Variants in AKT1S1 observed in about 807,000 individuals in gnomAD.
The protein encoded by AKT1S1 is proline-rich AKT1 substrate 1.
In AKT1S1, 17 loss-of-function variants were observed where a neutral mutation model predicts 21.2. The observed-to-expected ratio is 0.80, with a 90% confidence interval of 0.55 to 1.20. AKT1S1 has a LOEUF of 1.20. AKT1S1 is among the 50% of genes most tolerant of loss of function. AKT1S1 has a pLI of 0.00. For missense variants in AKT1S1, 366 were observed against 368.3 expected (o/e 0.99, Z 0.05); for synonymous variants, 181 against 165.6 (o/e 1.09, Z -0.72).
At chr19:49,872,862 T>G in intron 2 of AKT1S1, 55 bp downstream of exon 2, 9 of 1,549,016 alleles carry the variant, frequency 5.8e-6, no homozygotes, top group Middle Eastern at 2.0e-4. Context: ...CGACAAAGCC[T>G]CCTGCGGGCA....
chr19:49,877,776 G>C (rs368492657), upstream of AKT1S1: 18 of 1,576,796 alleles, frequency 1.1e-5, no homozygotes, highest in Admixed American at 1.9e-5. Flanking sequence ...CCTCGCTTCA[G>C]TGTATGCGAA....
intron 2 of AKT1S1, among the ~76,000 whole-genome samples, chr19:49,872,486 G>C (rs1427369501): frequency 6.6e-6 from 1 of 152,048 alleles, no homozygotes; most frequent in Non-Finnish European, 1.5e-5. Flanking sequence ...ACAGCTGGCT[G>C]CTCCCTCCCT....
At chr19:49,872,851 C>A (rs1057373217) in intron 2 of AKT1S1, 66 bp downstream of exon 2, 2 of 1,521,878 alleles carry the variant, frequency 1.3e-6, no homozygotes, top group Non-Finnish European at 1.8e-6. Context: ...GGCCCCCACC[C>A]CGACAAAGCC....
chr19:49,877,686 AAGG>A (rs1233840969), upstream of AKT1S1: 3 of 1,595,480 alleles, frequency 1.9e-6, no homozygotes, highest in African/African-American at 4.0e-5. Context: ...TGACTAGGAA[AAGG>A]AGGAGGCGGG....
intron 2 of AKT1S1, 99 bp downstream of exon 2, chr19:49,872,818 G>A: frequency 7.2e-7 from 1 of 1,381,792 alleles, no homozygotes; most frequent in Non-Finnish European, 9.7e-7. Flanking sequence ...CTGCACTTCT[G>A]TAGAAGTACT....
rs1016252532 is a variant in AKT1S1, at chr19:49,869,865, G to A, written c.*52C>T. 3.5e-6 allele frequency: 5 copies of A among 1,409,802 alleles called. No homozygotes were observed. In the Admixed American group the frequency reaches 1.1e-4, roughly 30 times the overall value. The allele number at this position is 1,409,802 out of a possible 1,614,324, so 87.3% of individuals were successfully genotyped here. On this transcript the variant is annotated 3_prime_UTR_variant, in exon 5 of 5. Coordinates refer to ENST00000344175, the MANE Select transcript of AKT1S1 (RefSeq NM_001098633.4). ...TAGCAGGCCCCGGGAGTGGGGCGGG[G>A]GCGTAGTGTGGGACGGGGCGGACGC...
chr19:49,878,137 A>G, upstream of AKT1S1: 5 of 1,571,998 alleles, frequency 3.2e-6, no homozygotes, highest in South Asian at 1.2e-5. Context: ...GTTCCCCCCA[A>G]CTCAGGTGGT....
intron 1 of AKT1S1, chr19:49,876,375 C>T (rs1422609207): frequency 1.7e-6 from 2 of 1,167,068 alleles, no homozygotes; most frequent in African/African-American, 1.6e-5. Context: ...ATCCCAGGCG[C>T]TCTGGAACCG....
intron 1 of AKT1S1, chr19:49,875,807 A>C (rs992241936): frequency 1.0e-6 from 1 of 982,696 alleles, no homozygotes; most frequent in Non-Finnish European, 1.2e-6. Context: ...CCTCTTTGCC[A>C]AGGTCCAGGG....
Position 49,873,707 on chromosome 19 carries a change from A to C in AKT1S1, c.-7-405T>G. The C allele has an allele frequency of 6.1e-6, 1 of 162,874 alleles. No individual in the cohort carries two copies. The highest frequency in any genetic ancestry group is 1.7e-4 in the East Asian group (1 of 5,836). 10.1% of individuals were successfully genotyped at this position (162,874 alleles called of 1,614,324 possible). ...TGAAGACTGAGTACAATAAAGCCGA[A>C]CGAGCCGGGCGTGGTGGCTCAGGCC... On this transcript the variant is annotated intron_variant, in intron 1 of 4. Transcript: ENST00000344175. The surrounding 1 kb of genome is among the most constrained non-coding windows in gnomAD (Gnocchi z 6.9).
Position 49,873,150 on chromosome 19 carries a change from TG to T in AKT1S1, c.145del (p.His49MetfsTer82), listed in dbSNP as rs1568668032. 6.5e-7 allele frequency: 1 copy of T among 1,538,680 alleles called. No homozygotes were observed. The highest frequency in any genetic ancestry group is 8.7e-7 in the Non-Finnish European group (1 of 1,147,994). Reference protein sequence around the residue: ...PRPGPCAYAAHGRGALAEAAR... With the variant: ...PRPGPCAYAAXGRGALAEAAR... ...TGCCTCCGCCAGGGCTCCTCGACCATGGGCAGCATAGGCACAGGGGCCCGGG... is the reference window on the plus strand; with the variant it reads ...TGCCTCCGCCAGGGCTCCTCGACCATGGCAGCATAGGCACAGGGGCCCGGG... On this transcript the variant is annotated frameshift_variant, in exon 2 of 5. Coordinates refer to ENST00000344175, the MANE Select transcript of AKT1S1 (RefSeq NM_001098633.4). LOFTEE classifies it high-confidence loss of function. The surrounding 1 kb of genome is among the most constrained non-coding windows in gnomAD (Gnocchi z 6.9).
In AKT1S1 at chr19:49,869,656, A is replaced by T. The variant is rs2074859463; in HGVS notation, c.*261T>A. On this transcript the variant is annotated 3_prime_UTR_variant, in exon 5 of 5. Transcript: ENST00000344175. ...TTTAGAGCTTAGAACTCAGCGAGCC[A>T]ATCCCTTAATAGAAGGAATCTGTCG... is the stretch of plus-strand genomic sequence containing the variant. 4.5e-5 allele frequency: 18 copies of T among 396,494 alleles called. No homozygotes were observed. The East Asian group carries it at 6.7e-4, about 15-fold the overall frequency. 24.6% of individuals were successfully genotyped at this position (396,494 alleles called of 1,614,324 possible).
Position 49,869,742 on chromosome 19 carries a change from G to T in AKT1S1, c.*175C>A. ...CGGGACAGATGCCGCTCCTCGGCGC[G>T]GCAGGTCGTGGGCTGGAAGGACGGC... On this transcript the variant is annotated 3_prime_UTR_variant, in exon 5 of 5. Coordinates refer to ENST00000344175, the MANE Select transcript of AKT1S1 (RefSeq NM_001098633.4). 1 of 685,226 alleles carries T rather than the reference G, an allele frequency of 1.5e-6. No individual in the cohort carries two copies. The highest frequency in any genetic ancestry group is 3.4e-5 in the East Asian group (1 of 29,414). The allele number at this position is 685,226 out of a possible 1,614,324, so 42.4% of individuals were successfully genotyped here. A position where few individuals can be genotyped will look rare whatever the true frequency, so the allele number is the denominator to read the frequency against.
chr19:49,875,952 T>G, intron 1 of AKT1S1: 5 of 985,300 alleles, frequency 5.1e-6, no homozygotes, highest in Non-Finnish European at 6.0e-6. Context: ...TAGACGAGTT[T>G]CGTGTAAGAT....
At position 49,873,572 on chromosome 19, in the gene AKT1S1, C is replaced by T. The variant is rs2074910102; in HGVS notation, c.-7-270G>A. On this transcript the variant is annotated intron_variant, in intron 1 of 4. Coordinates refer to ENST00000344175, the MANE Select transcript of AKT1S1 (RefSeq NM_001098633.4). This position sits in a 1 kb window ranked among gnomAD's most constrained non-coding sequence, Gnocchi z 6.9. Reference sequence around the variant, plus strand: ...CCTTCCCCTTTGGCCCTGCCCTGGCCTCTGTGGGAGCCGCCAGCCACATGT... The same window carrying T: ...CCTTCCCCTTTGGCCCTGCCCTGGCTTCTGTGGGAGCCGCCAGCCACATGT... 1.9e-6 allele frequency: 1 copy of T among 520,956 alleles called. No individual in the cohort carries two copies. Among genetic ancestry groups the T allele is most frequent in the Non-Finnish European group, 3.1e-6 (1 of 323,774 alleles). 32.3% of individuals were successfully genotyped at this position (520,956 alleles called of 1,614,324 possible).
intron 2 of AKT1S1, 132 bp from the exon 3 acceptor site, chr19:49,872,021 TCACC>T: frequency 9.9e-7 from 1 of 1,010,008 alleles, no homozygotes; most frequent in South Asian, 1.4e-5. Flanking sequence ...CCCATTTCCT[TCACC>T]TCAAAAACAA....
rs1481269687 is a variant in AKT1S1, at chr19:49,869,964, GC to G, written c.723del (p.Pro242ArgfsTer11). ...TGGAAGTCGCTGGTGTTAAGCCGCG[GC>G]CGTGGCAGGTCCCCGAAGACCTGGG... ...EDTQVFGDLP[R>X]PRLNTSDFQK... On this transcript the variant is annotated frameshift_variant, in exon 5 of 5. Transcript: ENST00000344175. LOFTEE classifies it high-confidence loss of function. The G allele has an allele frequency of 1.3e-6, 2 of 1,543,370 alleles. No individual in the cohort carries two copies. Among genetic ancestry groups the G allele is most frequent in the Non-Finnish European group, 1.8e-6 (2 of 1,141,214 alleles).
rs998247937 is a variant in AKT1S1 at position 49,873,161 on chromosome 19, G to C, written c.135C>G (p.Ala45=). The change falls in exon 2 of 5, where the codon GCC becomes GCG. Residue 45 remains alanine, a synonymous_variant. Coordinates refer to ENST00000344175, the MANE Select transcript of AKT1S1 (RefSeq NM_001098633.4). The surrounding 1 kb of genome is among the most constrained non-coding windows in gnomAD (Gnocchi z 6.9). ...GGGCTCCTCGACCATGGGCAGCATA[G>C]GCACAGGGGCCCGGGCGGGGTGGTG... ...PPPPPRPGPC[A]YAAHGRGALA... is the part of the protein sequence containing the mutation. 1 of 1,536,462 alleles carries C rather than the reference G, an allele frequency of 6.5e-7. No individual in the cohort carries two copies. The highest frequency in any genetic ancestry group is 8.7e-7 in the Non-Finnish European group (1 of 1,147,274).
chr19:49,870,119 AC>A, intron 4 of AKT1S1, 59 bp from the exon 5 acceptor site: 2 of 1,429,488 alleles, frequency 1.4e-6, no homozygotes, highest in Non-Finnish European at 1.8e-6. Context: ...CTGCACCCAC[AC>A]GCGGTCCAGG....
Sources: allele counts gnomAD v4.1 joint callset (sites outside exome capture counted in the v4.1 genomes callset), GRCh38; gene constraint gnomAD v4.1.1; non-coding constraint Gnocchi (gnomAD v3.1); transcripts MANE v1.5; gene names NCBI Gene and HGNC (gene_info 2026-07-23, HGNC 2026-07-21).